Variants in RCOR3 observed in about 807,000 individuals in gnomAD.
RCOR3 encodes REST corepressor 3.
RCOR3 carries 13 observed loss-of-function variants against 64.1 expected under a neutral mutation model. The ratio of observed to expected loss-of-function variants is 0.20; its 90% CI spans 0.13 to 0.32. The LOEUF (loss-of-function observed/expected upper bound fraction) is 0.32, where lower values mean the gene tolerates loss of function less well. Among genes scored for constraint, RCOR3 ranks in the 10% least tolerant of loss-of-function variants. The pLI, the probability that RCOR3 is intolerant of heterozygous loss-of-function variation, is 1.00. For missense variants in RCOR3, 489 were observed against 701.2 expected, an observed-to-expected ratio of 0.70 and a Z score of 3.42; for synonymous variants, 215 against 239.0, an observed-to-expected ratio of 0.90 and a Z score of 0.93.
chr1:211,260,091 T>C lies in RCOR3; in HGVS notation c.167-17T>C. 3 of 1,588,090 alleles carry C rather than the reference T, an allele frequency of 1.9e-6. No homozygotes were observed. The highest frequency in any genetic ancestry group is 2.6e-6 in the Non-Finnish European group (3 of 1,168,116). ...CTTTTTTATTTTTTATATATATTTT[T>C]TGGCATTGCTTTGCAGATGTTGGGA... On this transcript the variant is annotated splice_polypyrimidine_tract_variant and intron_variant, in intron 1 of 11. Transcript: ENST00000419091.
chr1:211,313,143 C>G lies in RCOR3; in HGVS notation c.1317+182C>G. ...CATAATGACATGCTAAGTTCTGATT[C>G]TAGAAGAATGGAGAGTGTATTGTTC... On this transcript the variant is annotated intron_variant, in intron 11 of 11. Coordinates refer to ENST00000419091, the MANE Select transcript of RCOR3 (RefSeq NM_001136223.3). The surrounding 1 kb of genome is among the most constrained non-coding windows in gnomAD (Gnocchi z 4.7). The G allele has an allele frequency of 1.4e-6, 2 of 1,475,328 alleles. No individual in the cohort carries two copies. Among genetic ancestry groups the G allele is most frequent in the Non-Finnish European group, 1.8e-6 (2 of 1,122,028 alleles). The allele number at this position is 1,475,328 out of a possible 1,614,324, so 91.4% of individuals were successfully genotyped here. A position where few individuals can be genotyped will look rare whatever the true frequency, so the allele number is the denominator to read the frequency against.
At chr1:211,264,028 G>A (rs181465147) in intron 2 of RCOR3, among the ~76,000 whole-genome samples, 1 of 152,184 alleles carries the variant, frequency 6.6e-6, no homozygotes, top group East Asian at 1.9e-4. Context: ...TCACCATGTT[G>A]GCCGGGCTAG....
At chr1:211,260,636 C>T (rs1418782607) in intron 2 of RCOR3, among the ~76,000 whole-genome samples, 1 of 152,232 alleles carries the variant, frequency 6.6e-6, no homozygotes, top group Non-Finnish European at 1.5e-5. Context: ...AGGGCGAGCC[C>T]TGCCGACCTG....
intron 6 of RCOR3, 34 bp from the exon 7 acceptor site, chr1:211,279,204 G>A (rs778969145): frequency 4.0e-5 from 56 of 1,395,890 alleles, no homozygotes; most frequent in Non-Finnish European, 5.1e-5. Flanking sequence ...AAAAAAAAAG[G>A]GAATTAAGTG....
intron 8 of RCOR3, among the ~76,000 whole-genome samples, chr1:211,292,459 C>G (rs1699358361): frequency 6.6e-6 from 1 of 152,172 alleles, no homozygotes; most frequent in South Asian, 2.1e-4. Context: ...ATACTTCATT[C>G]TCAGTACTAC....
intron 2 of RCOR3, among the ~76,000 whole-genome samples, chr1:211,264,526 T>G (rs1694873983): frequency 6.6e-6 from 1 of 151,916 alleles, no homozygotes; most frequent in South Asian, 2.1e-4. Flanking sequence ...CACAAAAAAT[T>G]CAAAAATTAG....
At chr1:211,265,335 A>C (rs904668569) in intron 2 of RCOR3, among the ~76,000 whole-genome samples, 4 of 152,210 alleles carry the variant, frequency 2.6e-5, no homozygotes, top group African/African-American at 4.8e-5. Flanking sequence ...ACATTCTCAA[A>C]GTTTACATTG....
chr1:211,271,474 T>C, intron 3 of RCOR3, 165 bp downstream of exon 3: 3 of 676,920 alleles, frequency 4.4e-6, no homozygotes, highest in Non-Finnish European at 8.1e-6. Flanking sequence ...GTTGTTATAT[T>C]AGAATGTTTT....
At chr1:211,260,287 G>A (rs1452704005) in intron 2 of RCOR3, 123 bp downstream of exon 2, 2 of 799,544 alleles carry the variant, frequency 2.5e-6, no homozygotes, top group African/African-American at 1.7e-5. Context: ...GCAGGCATCC[G>A]TGGCGGGGAG....
At position 211,310,672 on chromosome 1, in the gene RCOR3, A is replaced by G. The variant is rs78110163; in HGVS notation, c.1076-2048A>G. ...ACAAGGGAAAATTAAGAAGTGGAAG[A>G]TCAAAAGGAGTATAGTCAGAAGAAG... is the stretch of plus-strand genomic sequence containing the variant. On this transcript the variant is annotated intron_variant, in intron 10 of 11. Coordinates refer to ENST00000419091, the MANE Select transcript of RCOR3 (RefSeq NM_001136223.3). 6.6e-4 allele frequency among the ~76,000 whole-genome samples: 100 copies of G among 152,326 alleles called. 1 individual carries two copies. The East Asian group carries it at 0.019, about 28-fold the overall frequency.
chr1:211,270,669 T>C (rs1696026275), intron 2 of RCOR3, among the ~76,000 whole-genome samples: 1 of 152,112 alleles, frequency 6.6e-6, no homozygotes, highest in Non-Finnish European at 1.5e-5. Context: ...AGTAGAGATA[T>C]GTAATGTACT....
chr1:211,261,928 A>AAAAAAAAC (rs1189635698), intron 2 of RCOR3, among the ~76,000 whole-genome samples: 2 of 147,410 alleles, frequency 1.4e-5, no homozygotes, highest in Non-Finnish European at 3.0e-5. Flanking sequence ...CATCTCAAAA[A>AAAAAAAAC]AAAAAAAAAA....
At chr1:211,279,438 G>A (rs2102514768) in intron 7 of RCOR3, 122 bp downstream of exon 7, 1 of 652,226 alleles carries the variant, frequency 1.5e-6, no homozygotes, top group African/African-American at 1.9e-5. Flanking sequence ...AAATTTCAGT[G>A]TTAATTAGCA....
chr1:211,296,562 T>C (rs1442064726), intron 9 of RCOR3, among the ~76,000 whole-genome samples: 4 of 152,130 alleles, frequency 2.6e-5, no homozygotes, highest in Non-Finnish European at 4.4e-5. Flanking sequence ...TGAGGGGCTA[T>C]GGGGAGGCAG....
intron 9 of RCOR3, among the ~76,000 whole-genome samples, chr1:211,298,962 G>C (rs948335951): frequency 7.9e-5 from 12 of 151,736 alleles, no homozygotes; most frequent in Non-Finnish European, 1.8e-4. Flanking sequence ...AGCTGAGATC[G>C]CGCCACTGCA....
intron 10 of RCOR3, among the ~76,000 whole-genome samples, chr1:211,306,836 T>A (rs1700896152): frequency 6.6e-6 from 1 of 152,202 alleles, no homozygotes. Context: ...TACACTTTTG[T>A]AATCAGTCAC....
rs1251403990 is a variant in RCOR3, at chr1:211,312,166, C to G, written c.1076-554C>G. 6 of 204,728 alleles carry G rather than the reference C, an allele frequency of 2.9e-5. No individual in the cohort carries two copies. The South Asian group carries it at 3.5e-4, about 12-fold the overall frequency. The allele number at this position is 204,728 out of a possible 1,614,324, so 12.7% of individuals were successfully genotyped here. On this transcript the variant is annotated intron_variant, in intron 10 of 11. Coordinates refer to ENST00000419091, the MANE Select transcript of RCOR3 (RefSeq NM_001136223.3). This position sits in a 1 kb window ranked among gnomAD's most constrained non-coding sequence, Gnocchi z 5.0. ...CTGCTTTTCATGTTTAAGTTCTTAT[C>G]TAATTTCAATTTGTTGGTACCCTGG...
intron 10 of RCOR3, among the ~76,000 whole-genome samples, chr1:211,306,513 A>G (rs1230023650): frequency 2.6e-5 from 4 of 152,162 alleles, no homozygotes; most frequent in African/African-American, 4.8e-5. Flanking sequence ...TATTTGTTAA[A>G]TGCTTTATTT....
At chr1:211,267,474 A>G (rs1461437058) in intron 2 of RCOR3, among the ~76,000 whole-genome samples, 1 of 152,202 alleles carries the variant, frequency 6.6e-6, no homozygotes, top group Non-Finnish European at 1.5e-5. Context: ...TGCTCTATGT[A>G]TGCTGCTCCT....
Sources: gnomAD v4.1 joint callset for allele counts (sites outside exome capture counted in the v4.1 genomes callset) on GRCh38, gnomAD v4.1.1 for gene constraint, Gnocchi (gnomAD v3.1) non-coding constraint, MANE v1.5 for transcripts, NCBI Gene and HGNC (gene_info 2026-07-23, HGNC 2026-07-21) for gene names.